The following HEPHL1 variants were observed in gnomAD, a reference collection of about 807,000 sequenced individuals.
HEPHL1 encodes the protein ferroxidase HEPHL1.
In HEPHL1, 123 loss-of-function variants were observed where a neutral mutation model predicts 122.0. The ratio of observed to expected loss-of-function variants is 1.01; its 90% CI spans 0.87 to 1.17. The LOEUF (loss-of-function observed/expected upper bound fraction) is 1.17, where lower values mean the gene tolerates loss of function less well. Ranked by LOEUF, HEPHL1 falls within the 50% of genes most tolerant of loss-of-function variation. The pLI, the probability that HEPHL1 is intolerant of heterozygous loss-of-function variation, is 0.00. For missense variants in HEPHL1, 1,452 were observed against 1,430.5 expected, an observed-to-expected ratio of 1.01 and a Z score of -0.24; for synonymous variants, 527 against 508.9, an observed-to-expected ratio of 1.04 and a Z score of -0.48.
chr11:94,061,458 G>A (rs538929253), intron 2 of HEPHL1, among the ~76,000 whole-genome samples: 1 of 152,298 alleles, frequency 6.6e-6, no homozygotes, highest in African/African-American at 2.4e-5. Flanking sequence ...GACTGAAAAA[G>A]AGTGGTCAAA....
chr11:94,113,614 C>T lies in HEPHL1; in HGVS notation c.*1720C>T, dbSNP rs986177792. On this transcript the variant is annotated 3_prime_UTR_variant, in exon 20 of 20. Transcript: ENST00000315765. ...ATAATTTCATAATTATGGTAAATGCCTTATTTATTACCCACCTTAGTAAGA... is the reference window on the plus strand; with the variant it reads ...ATAATTTCATAATTATGGTAAATGCTTTATTTATTACCCACCTTAGTAAGA... 4.6e-5 allele frequency: 7 copies of T among 151,882 alleles called. No individual in the cohort carries two copies. The highest frequency in any genetic ancestry group is 1.3e-4 in the Admixed American group (2 of 15,262). The allele number at this position is 151,882 out of a possible 1,614,324, so 9.4% of individuals were successfully genotyped here. A position where few individuals can be genotyped will look rare whatever the true frequency, so the allele number is the denominator to read the frequency against.
Position 94,080,488 on chromosome 11 carries a change from A to G in HEPHL1, c.1717-1930A>G, listed in dbSNP as rs1477416908. Among the ~76,000 whole-genome samples, 4 of 152,346 alleles carry G rather than the reference A, an allele frequency of 2.6e-5. No homozygotes were observed. In the South Asian group the frequency reaches 6.2e-4, roughly 24 times the overall value. ...AAAGAGCTTCTGCACAGCAAAATAA[A>G]CCATCATCAGAGTGAACAGACAACC... On this transcript the variant is annotated intron_variant, in intron 9 of 19. Transcript: ENST00000315765.
chr11:94,078,564 G>A (rs1302266500), intron 9 of HEPHL1, among the ~76,000 whole-genome samples: 1 of 151,160 alleles, frequency 6.6e-6, no homozygotes, highest in South Asian at 2.1e-4. Flanking sequence ...CCTGCAGGCT[G>A]AGTCAACAGG....
At position 94,045,909 on chromosome 11, in the gene HEPHL1, A is replaced by T. The variant is rs151306000; in HGVS notation, c.407A>T (p.Asp136Val). The change falls in exon 2 of 20, where the codon GAT becomes GTT. Residue 136 changes from aspartate (D) to valine (V), a missense_variant. By Grantham distance (152) the Asp-to-Val change is radical. Coordinates refer to ENST00000315765, the MANE Select transcript of HEPHL1 (RefSeq NM_001098672.2). ...CCACATGGCGTTTTCTACAACAAAG[A>T]TTCAGAAGGTAAATATCAATCCTTT... ...LHPHGVFYNK[D>V]SEGALYPDGT... 2.0e-4 allele frequency: 330 copies of T among 1,613,708 alleles called. 1 individual carries two copies. In the East Asian group the frequency reaches 5.1e-3, roughly 25 times the overall value.
At chr11:94,085,318 C>A (rs1217883741) in intron 10 of HEPHL1, among the ~76,000 whole-genome samples, 2 of 152,136 alleles carry the variant, frequency 1.3e-5, no homozygotes, top group African/African-American at 4.8e-5. Context: ...TCTAACTAAT[C>A]ATTATTTATT....
intron 2 of HEPHL1, among the ~76,000 whole-genome samples, chr11:94,049,624 A>AAG (rs1377308065): frequency 2.6e-5 from 4 of 151,546 alleles, no homozygotes; most frequent in Non-Finnish European, 5.9e-5. Context: ...GTAGTAAAAA[A>AAG]AAAAAAAAAA....
intron 2 of HEPHL1, among the ~76,000 whole-genome samples, chr11:94,059,973 A>G (rs949297581): frequency 6.6e-6 from 1 of 151,352 alleles, no homozygotes; most frequent in Admixed American, 6.6e-5. Flanking sequence ...CTCTCACTCA[A>G]CTCCTGAACC....
intron 9 of HEPHL1, among the ~76,000 whole-genome samples, chr11:94,081,540 A>G (rs752158864): frequency 1.2e-4 from 18 of 152,238 alleles, no homozygotes; most frequent in Non-Finnish European, 2.5e-4. Flanking sequence ...GTGATCAGAT[A>G]GGCTCAAATA....
chr11:94,074,294 G>T (rs139635645), intron 8 of HEPHL1, among the ~76,000 whole-genome samples: 1 of 152,076 alleles, frequency 6.6e-6, no homozygotes, highest in Non-Finnish European at 1.5e-5. Context: ...AAATGGCTGC[G>T]TGCAGTGGGT....
chr11:94,042,884 A>AAAAAAAAAAAAAAC (rs1945798678), intron 1 of HEPHL1, among the ~76,000 whole-genome samples: 2 of 31,084 alleles, frequency 6.4e-5, no homozygotes, highest in Non-Finnish European at 1.5e-4. Context: ...ATAAAAAAAA[A>AAAAAAAAAAAAAAC]AAAAAAAAAC....
At chr11:94,081,827 C>T (rs1358134945) in intron 9 of HEPHL1, among the ~76,000 whole-genome samples, 1 of 152,068 alleles carries the variant, frequency 6.6e-6, no homozygotes, top group Non-Finnish European at 1.5e-5. Context: ...GAGATAAGTG[C>T]TGTGAAGAAT....
In HEPHL1 at chr11:94,067,603, A is replaced by C. The variant is rs537000260; in HGVS notation, c.916A>C (p.Ile306Leu). Residue 306 changes from isoleucine to leucine, a missense_variant, in exon 5 of 20, where the codon ATC becomes CTC. Transcript: ENST00000315765. ...GMGNEIDIHS[I>L]YFYGNTFISR... The stretch of plus-strand genomic sequence containing the variant: ...GGGGAATGAAATAGACATCCATTCT[A>C]TCTATTTCTATGGTAACACCTTCAT... 2 of 1,613,428 alleles carry C rather than the reference A, an allele frequency of 1.2e-6. No homozygotes were observed. Among genetic ancestry groups the C allele is most frequent in the Non-Finnish European group, 1.7e-6 (2 of 1,179,434 alleles).
rs1946471004 is a variant in HEPHL1 at position 94,113,801 on chromosome 11, G to A, written c.*1907G>A. The stretch of plus-strand genomic sequence containing the variant: ...TAAAATTATCTATCACTGAACTAGG[G>A]GAGGTGGTTAAAGTGGAATTAATTT... On this transcript the variant is annotated 3_prime_UTR_variant, in exon 20 of 20. Coordinates refer to ENST00000315765, the MANE Select transcript of HEPHL1 (RefSeq NM_001098672.2). The A allele has an allele frequency of 1.3e-5, 2 of 152,192 alleles. No homozygotes were observed. The highest frequency in any genetic ancestry group is 4.2e-4 in the South Asian group (2 of 4,818). The allele number at this position is 152,192 out of a possible 1,614,324, so 9.4% of individuals were successfully genotyped here.
intron 1 of HEPHL1, among the ~76,000 whole-genome samples, chr11:94,035,960 TCTC>T (rs1351844625): frequency 6.6e-6 from 1 of 152,124 alleles, no homozygotes; most frequent in Non-Finnish European, 1.5e-5. Context: ...ATGGTCTCGA[TCTC>T]CTGACCTCGT....
At chr11:94,077,478 C>G (rs544910048) in intron 9 of HEPHL1, among the ~76,000 whole-genome samples, 1 of 152,288 alleles carries the variant, frequency 6.6e-6, no homozygotes, top group Non-Finnish European at 1.5e-5. Flanking sequence ...ATAACCACAT[C>G]ATGGAGAATG....
chr11:94,034,633 T>G (rs1945704728), intron 1 of HEPHL1, among the ~76,000 whole-genome samples: 2 of 152,124 alleles, frequency 1.3e-5, no homozygotes, highest in South Asian at 4.1e-4. Flanking sequence ...CTGCCCCTTG[T>G]CAGAAAGAAG....
intron 2 of HEPHL1, among the ~76,000 whole-genome samples, chr11:94,048,662 T>C (rs542724962): frequency 6.6e-6 from 1 of 152,242 alleles, no homozygotes; most frequent in Admixed American, 6.5e-5. Context: ...GTGCCCAGCC[T>C]GTGGACAAAA....
rs550861644 is a variant in HEPHL1 at position 94,025,413 on chromosome 11, G to A, written c.170+3875G>A. On this transcript the variant is annotated intron_variant, in intron 1 of 19. Coordinates refer to ENST00000315765, the MANE Select transcript of HEPHL1 (RefSeq NM_001098672.2). ...ATTAAGGTGTGTGTTTGGTGGTAAAGCCTGATCCTTAATGGAAGTAGGGTG... is the reference window on the plus strand; with the variant it reads ...ATTAAGGTGTGTGTTTGGTGGTAAAACCTGATCCTTAATGGAAGTAGGGTG... Among the ~76,000 whole-genome samples, 7 of 152,210 alleles carry A rather than the reference G, an allele frequency of 4.6e-5. No homozygotes were observed. The East Asian group carries it at 1.3e-3, about 29-fold the overall frequency.
Position 94,110,975 on chromosome 11 carries a change from G to A in HEPHL1, c.3118G>A (p.Asp1040Asn). The A allele has an allele frequency of 6.2e-7, 1 of 1,612,540 alleles. No individual in the cohort carries two copies. Among genetic ancestry groups the A allele is most frequent in the Non-Finnish European group, 8.5e-7 (1 of 1,179,274 alleles). ...ATTCCAAACCATTGAACTGTTTGCAGATCACCCAGGGACATGGCTGCTACA... is the reference window on the plus strand; with the variant it reads ...ATTCCAAACCATTGAACTGTTTGCAAATCACCCAGGGACATGGCTGCTACA... ...GTFQTIELFA[D>N]HPGTWLLHCH... The change falls in exon 18 of 20, where the codon GAT (aspartate) becomes AAT (asparagine). Residue 1040 changes from aspartate (D) to asparagine (N), a missense_variant. Coordinates refer to ENST00000315765, the MANE Select transcript of HEPHL1 (RefSeq NM_001098672.2).
Sources: gnomAD v4.1 joint callset for allele counts (sites outside exome capture counted in the v4.1 genomes callset) on GRCh38, gnomAD v4.1.1 for gene constraint, MANE v1.5 for transcripts, NCBI Gene and HGNC (gene_info 2026-07-23, HGNC 2026-07-21) for gene names.